TBC1D9B: variants seen among roughly 807,000 people sequenced by gnomAD.
TBC1D9B encodes the protein TBC1 domain family, member 9B (with GRAM domain).
TBC1D9B carries 87 observed loss-of-function variants against 121.1 expected under a neutral mutation model. That is an observed-to-expected ratio of 0.72 (90% CI 0.60 to 0.86). TBC1D9B has a LOEUF of 0.86. Among genes scored for constraint, TBC1D9B ranks in the 40% least tolerant of loss-of-function variants. The probability of loss-of-function intolerance (pLI) is 0.00; values close to 1 mark genes in which losing one functional copy is unlikely to be tolerated. For missense variants in TBC1D9B, 1,540 were observed against 1,628.6 expected (o/e 0.95, Z 0.94); for synonymous variants, 668 against 670.1 (o/e 1.00, Z 0.05).
chr5:179,895,712 G>A (rs1760999258), intron 3 of TBC1D9B, among the ~76,000 whole-genome samples: 1 of 152,214 alleles, frequency 6.6e-6, no homozygotes, highest in South Asian at 2.1e-4. Flanking sequence ...AGTCAGTCAA[G>A]GTCAGTGCTG....
intron 12 of TBC1D9B, among the ~76,000 whole-genome samples, chr5:179,873,586 G>A (rs114393401): frequency 3.3e-5 from 5 of 152,330 alleles, no homozygotes; most frequent in Admixed American, 6.5e-5. Flanking sequence ...TCCCTTTGGC[G>A]GGGCCCTGGG....
In TBC1D9B at chr5:179,874,812, A is replaced by G; in HGVS notation, c.2186+90T>C. 1 of 1,531,140 alleles carries G rather than the reference A, an allele frequency of 6.5e-7. No individual in the cohort carries two copies. Among genetic ancestry groups the G allele is most frequent in the Non-Finnish European group, 8.8e-7 (1 of 1,140,404 alleles). 94.8% of individuals were successfully genotyped at this position (1,531,140 alleles called of 1,614,324 possible). A position where few individuals can be genotyped will look rare whatever the true frequency, so the allele number is the denominator to read the frequency against. On this transcript the variant is annotated intron_variant, in intron 12 of 20. Transcript: ENST00000355235. This position sits in a 1 kb window ranked among gnomAD's most constrained non-coding sequence, Gnocchi z 4.3. Reference sequence around the variant, plus strand: ...AGCTGCAGCCTGGCACTTGGTGGGCACAGTCACTTCAGGCTGACTGGACAG... The same window carrying G: ...AGCTGCAGCCTGGCACTTGGTGGGCGCAGTCACTTCAGGCTGACTGGACAG...
In TBC1D9B at chr5:179,893,272, A is replaced by G. The variant is rs1015981248; in HGVS notation, c.773T>C (p.Phe258Ser). ...AMRQLLDSEGFLEDKALPRPI... is the reference protein window; with the variant it reads ...AMRQLLDSEGSLEDKALPRPI... ...CCTAGGCAGGGCCTTGTCCTCCAGG[A>G]AGCCCTCGCTGTCCAGCAGCTGCCG... The change falls in exon 5 of 21, where the codon TTC becomes TCC. Residue 258 changes from phenylalanine to serine, a missense_variant. By Grantham distance (155) the Phe-to-Ser change is radical. Transcript: ENST00000355235. 6.2e-7 allele frequency: 1 copy of G among 1,613,642 alleles called. No individual in the cohort carries two copies. Among genetic ancestry groups the G allele is most frequent in the Non-Finnish European group, 8.5e-7 (1 of 1,180,010 alleles).
chr5:179,887,985 C>G (rs1283508503), intron 7 of TBC1D9B, 118 bp downstream of exon 7: 3 of 1,289,686 alleles, frequency 2.3e-6, no homozygotes, highest in African/African-American at 2.9e-5. Context: ...GACACATCCA[C>G]CCCTAGGCGG....
chr5:179,867,643 C>T (rs769424288), intron 18 of TBC1D9B, 135 bp downstream of exon 18: 3 of 1,494,310 alleles, frequency 2.0e-6, no homozygotes, highest in East Asian at 2.4e-5. Context: ...AGCCCGTGGT[C>T]CCCTGGGGAG....
In TBC1D9B at chr5:179,864,679, G is replaced by A. The variant is rs188206479; in HGVS notation, c.3022-551C>T. On this transcript the variant is annotated intron_variant, in intron 20 of 20. Transcript: ENST00000355235. ...AGAATGGGAAGAATCCTCATCGCAC[G>A]TGGTGCCCACCCTCCAGGCCTGCTG... 3.0e-3 allele frequency among the ~76,000 whole-genome samples: 460 copies of A among 152,302 alleles called. 1 individual carries two copies. Among genetic ancestry groups the A allele is most frequent in the African/African-American group, 0.011 (437 of 41,566 alleles).
chr5:179,905,380 C>T (rs893845126), intron 1 of TBC1D9B, among the ~76,000 whole-genome samples: 1 of 152,212 alleles, frequency 6.6e-6, no homozygotes, highest in Non-Finnish European at 1.5e-5. Context: ...TAATGTCTCC[C>T]CTTTGCCATG....
chr5:179,863,682 G>C lies in TBC1D9B; in HGVS notation c.3468C>G (p.Asp1156Glu). The change falls in exon 21 of 21, where the codon GAC (aspartate) becomes GAG (glutamate). Residue 1156 changes from aspartate (D) to glutamate (E), a missense_variant. Asp to Glu is a conservative substitution (Grantham distance 45). Coordinates refer to ENST00000355235, the MANE Select transcript of TBC1D9B (RefSeq NM_015043.4). The surrounding 1 kb of genome is among the most constrained non-coding windows in gnomAD (Gnocchi z 4.5). ...GSLQCEDLAD[D>E]TVLVGGEACS... ...AGGCCTCCCCGCCCACCAGCACCGT[G>C]TCGTCTGCAAGGTCTTCACATTGCA... 2 of 1,613,700 alleles carry C rather than the reference G, an allele frequency of 1.2e-6. No homozygotes were observed. Among genetic ancestry groups the C allele is most frequent in the Non-Finnish European group, 1.7e-6 (2 of 1,180,000 alleles).
At chr5:179,877,056 A>ACT (rs1257687211) in intron 10 of TBC1D9B, among the ~76,000 whole-genome samples, 2 of 141,038 alleles carry the variant, frequency 1.4e-5, no homozygotes, top group African/African-American at 5.6e-5. Context: ...GGGCAACAGA[A>ACT]GGAGATCCTG....
intron 1 of TBC1D9B, among the ~76,000 whole-genome samples, chr5:179,905,263 G>A (rs1761280504): frequency 6.6e-6 from 1 of 152,182 alleles, no homozygotes; most frequent in Admixed American, 6.5e-5. Flanking sequence ...TGCCATGTGC[G>A]TCTCCTGAAA....
chr5:179,871,655 G>T, intron 14 of TBC1D9B, 125 bp from the exon 15 acceptor site: 3 of 969,922 alleles, frequency 3.1e-6, no homozygotes, highest in Non-Finnish European at 4.7e-6. Context: ...CAGTGGCCCA[G>T]CACTCAAGGG....
In TBC1D9B at chr5:179,870,515, G is replaced by GA; in HGVS notation, c.2485-21dup. 6.3e-7 allele frequency: 1 copy of GA among 1,594,430 alleles called. No homozygotes were observed. The highest frequency in any genetic ancestry group is 8.5e-7 in the Non-Finnish European group (1 of 1,173,906). ...CTTGGCCTGTGGGACACGGTCTGGT[G>GA]AGACGGTCCAGCCGCTAAGCCTGTG... On this transcript the variant is annotated intron_variant, in intron 15 of 20. Transcript: ENST00000355235.
rs1201766717 is a variant in TBC1D9B, at chr5:179,885,131, C to T, written c.1254+2972G>A. 6.6e-6 allele frequency among the ~76,000 whole-genome samples: 1 copy of T among 152,158 alleles called. No individual in the cohort carries two copies. Among genetic ancestry groups the T allele is most frequent in the Non-Finnish European group, 1.5e-5 (1 of 68,044 alleles). ...GCTTCTATTCTTGCCACTCTCTAGTCCAGCACTGCCCAAGAGAGATGATGA... is the reference window on the plus strand; with the variant it reads ...GCTTCTATTCTTGCCACTCTCTAGTTCAGCACTGCCCAAGAGAGATGATGA... On this transcript the variant is annotated intron_variant, in intron 7 of 20. Coordinates refer to ENST00000355235, the MANE Select transcript of TBC1D9B (RefSeq NM_015043.4). This position sits in a 1 kb window ranked among gnomAD's most constrained non-coding sequence, Gnocchi z 4.5.
At chr5:179,892,003 A>G (rs1246579741) in intron 5 of TBC1D9B, among the ~76,000 whole-genome samples, 1 of 152,134 alleles carries the variant, frequency 6.6e-6, no homozygotes, top group African/African-American at 2.4e-5. Context: ...TTCACCTTGA[A>G]ACCTAGGTGA....
intron 17 of TBC1D9B, chr5:179,869,308 C>T (rs534640731): frequency 2.0e-4 from 69 of 344,760 alleles, no homozygotes; most frequent in African/African-American, 9.9e-4. Flanking sequence ...GACAGCCTGT[C>T]GCCAGTGCAG....
Position 179,865,634 on chromosome 5 carries a change from C to T in TBC1D9B, c.2914+204G>A. ...CACAGGGCAGCTGGAGAGAAGCTGG[C>T]AAGAGAGGGCTGGCTGGGTGCCCGT... On this transcript the variant is annotated intron_variant, in intron 19 of 20. Transcript: ENST00000355235. The surrounding 1 kb of genome is among the most constrained non-coding windows in gnomAD (Gnocchi z 5.1). 2 of 638,956 alleles carry T rather than the reference C, an allele frequency of 3.1e-6. No homozygotes were observed. The highest frequency in any genetic ancestry group is 5.4e-6 in the Non-Finnish European group (2 of 369,702). 39.6% of individuals were successfully genotyped at this position (638,956 alleles called of 1,614,324 possible). A position where few individuals can be genotyped will look rare whatever the true frequency, so the allele number is the denominator to read the frequency against.
At chr5:179,898,408 C>A (rs974953700) in intron 3 of TBC1D9B, among the ~76,000 whole-genome samples, 4 of 151,908 alleles carry the variant, frequency 2.6e-5, no homozygotes, top group African/African-American at 9.7e-5. Context: ...CTGTCTTGGC[C>A]TCCCAAAGTG....
At chr5:179,879,454 G>GC (rs1300956756) in intron 8 of TBC1D9B, 174 bp downstream of exon 8, 16 of 1,110,198 alleles carry the variant, frequency 1.4e-5, no homozygotes, top group Middle Eastern at 3.0e-4. Context: ...GGTCAGCGGA[G>GC]CCCCCCAGAG....
At position 179,874,389 on chromosome 5, in the gene TBC1D9B, G is replaced by A. The variant is rs1344036621; in HGVS notation, c.2186+513C>T. Among the ~76,000 whole-genome samples, 1 of 152,076 alleles carries A rather than the reference G, an allele frequency of 6.6e-6. No homozygotes were observed. Among genetic ancestry groups the A allele is most frequent in the Non-Finnish European group, 1.5e-5 (1 of 67,984 alleles). ...AGAATCTGCAAGAGATGGGATGTGGGGACTAAGGAGGGGGTGGAGGGGCTG... is the reference window on the plus strand; with the variant it reads ...AGAATCTGCAAGAGATGGGATGTGGAGACTAAGGAGGGGGTGGAGGGGCTG... On this transcript the variant is annotated intron_variant, in intron 12 of 20. Coordinates refer to ENST00000355235, the MANE Select transcript of TBC1D9B (RefSeq NM_015043.4). The surrounding 1 kb of genome is among the most constrained non-coding windows in gnomAD (Gnocchi z 4.3).
Sources: gnomAD v4.1 joint callset for allele counts (sites outside exome capture counted in the v4.1 genomes callset) on GRCh38, gnomAD v4.1.1 for gene constraint, Gnocchi (gnomAD v3.1) non-coding constraint, MANE v1.5 for transcripts, NCBI Gene and HGNC (gene_info 2026-07-23, HGNC 2026-07-21) for gene names.